Variants in NBEA observed in about 807,000 individuals in gnomAD.
The protein encoded by NBEA is neurobeachin, also known as lysosomal-trafficking regulator 2.
Under a neutral mutation model 343.4 loss-of-function variants are expected in NBEA, and 44 were observed. The observed-to-expected ratio is 0.13, with a 90% CI of 0.10 to 0.16. The LOEUF (loss-of-function observed/expected upper bound fraction) is 0.16. Ranked by LOEUF, NBEA falls within the 10% of genes least tolerant of loss-of-function variation. The pLI, the probability that NBEA is intolerant of heterozygous loss-of-function variation, is 1.00. For missense variants in NBEA, 2,555 were observed against 3,631.3 expected (o/e 0.70, Z 7.62); for synonymous variants, 1,175 against 1,238.7 (o/e 0.95, Z 1.08).
chr13:35,010,007 A>C (rs2061431034), intron 1 of NBEA, among the ~76,000 whole-genome samples: 1 of 152,178 alleles, frequency 6.6e-6, no homozygotes, highest in Non-Finnish European at 1.5e-5. Flanking sequence ...TCTAATTTGC[A>C]GGTGGGATAG....
At chr13:35,225,421 T>G (rs2152764665) in intron 33 of NBEA, among the ~76,000 whole-genome samples, 1 of 152,250 alleles carries the variant, frequency 6.6e-6, no homozygotes, top group Admixed American at 6.5e-5. Flanking sequence ...TGCATAAGGC[T>G]TCCATTCTGT....
At chr13:35,294,597 TTAAACATTTTAA>T (rs1406960697) in intron 35 of NBEA, among the ~76,000 whole-genome samples, 1 of 152,162 alleles carries the variant, frequency 6.6e-6, no homozygotes, top group African/African-American at 2.4e-5. Flanking sequence ...ACTACATTTT[TTAAACATTTTAA>T]TGGTTACTAA....
At chr13:35,648,056 T>G (rs879585820) in intron 51 of NBEA, among the ~76,000 whole-genome samples, 1 of 151,868 alleles carries the variant, frequency 6.6e-6, no homozygotes, top group African/African-American at 2.4e-5. Context: ...TTTAAAATTT[T>G]TTGTAGAGAT....
intron 6 of NBEA, among the ~76,000 whole-genome samples, chr13:35,055,807 GT>G (rs1407340728): frequency 2.0e-5 from 3 of 152,074 alleles, no homozygotes; most frequent in Admixed American, 1.3e-4. Context: ...TGTAGTTCTT[GT>G]CTTCTCCAGG....
chr13:35,447,522 C>T (rs933534132), intron 39 of NBEA, among the ~76,000 whole-genome samples: 5 of 151,908 alleles, frequency 3.3e-5, no homozygotes, highest in African/African-American at 1.2e-4. Flanking sequence ...AGAAGTCAGT[C>T]TATGGAGTGC....
chr13:35,045,036 A>T lies in NBEA; in HGVS notation c.616A>T (p.Ser206Cys), dbSNP rs776942249. The stretch of plus-strand genomic sequence containing the variant: ...TTTGTTCAGCATGCTTCGAGGAGAA[A>T]GTGGAATCTGGGTAAGCTGTGGTCG... ...KLLFSMLRGESGIWPRHAVKL... is the reference protein window; with the variant it reads ...KLLFSMLRGECGIWPRHAVKL... The change falls in exon 3 of 59, where the codon AGT (serine) becomes TGT (cysteine). Residue 206 changes from serine to cysteine, a missense_variant. Ser to Cys is a moderately radical substitution (Grantham distance 112, BLOSUM62 -1). Coordinates refer to ENST00000379939, the MANE Select transcript of NBEA (RefSeq NM_001385012.1). 1 of 1,609,194 alleles carries T rather than the reference A, an allele frequency of 6.2e-7. No individual in the cohort carries two copies. The highest frequency in any genetic ancestry group is 8.5e-7 in the Non-Finnish European group (1 of 1,177,544).
At chr13:34,989,872 T>G (rs558296096) in intron 1 of NBEA, among the ~76,000 whole-genome samples, 1 of 151,152 alleles carries the variant, frequency 6.6e-6, no homozygotes, top group Admixed American at 6.6e-5. Context: ...CTACAGGCAT[T>G]GGGCAAATGT....
intron 17 of NBEA, among the ~76,000 whole-genome samples, chr13:35,129,621 A>AG (rs2067306210): frequency 2.6e-5 from 4 of 152,148 alleles, no homozygotes; most frequent in South Asian, 2.1e-4. Flanking sequence ...ACATTAAGAG[A>AG]GGGGGAAAAA....
chr13:35,616,395 G>A (rs2082741934), intron 48 of NBEA, among the ~76,000 whole-genome samples: 1 of 152,168 alleles, frequency 6.6e-6, no homozygotes, highest in African/African-American at 2.4e-5. Flanking sequence ...CAAACTGTCT[G>A]TATCTGTGCT....
chr13:35,089,801 A>G (rs983788586), intron 10 of NBEA, among the ~76,000 whole-genome samples: 8 of 149,934 alleles, frequency 5.3e-5, no homozygotes, highest in African/African-American at 1.5e-4. Context: ...TCAGTAAACT[A>G]TCACAAGAAC....
intron 11 of NBEA, among the ~76,000 whole-genome samples, chr13:35,106,025 C>T (rs763745328): frequency 3.3e-5 from 5 of 151,946 alleles, no homozygotes; most frequent in Non-Finnish European, 7.4e-5. Context: ...TTAGTTAATT[C>T]TGGAGTGGAT....
At chr13:35,017,785 G>A (rs1032645285) in intron 1 of NBEA, among the ~76,000 whole-genome samples, 17 of 151,884 alleles carry the variant, frequency 1.1e-4, no homozygotes, top group African/African-American at 4.1e-4. Flanking sequence ...TATTAATTCT[G>A]TACAAGTCTA....
intron 41 of NBEA, among the ~76,000 whole-genome samples, chr13:35,506,119 GT>G (rs1341648942): frequency 1.3e-5 from 2 of 151,984 alleles, no homozygotes; most frequent in African/African-American, 4.8e-5. Context: ...CTGGAGTGTG[GT>G]GGCACGATCT....
chr13:35,099,744 T>C (rs2065541845), intron 11 of NBEA, among the ~76,000 whole-genome samples: 1 of 152,128 alleles, frequency 6.6e-6, no homozygotes, highest in African/African-American at 2.4e-5. Flanking sequence ...CTTTTTCCCA[T>C]TTTGTGTCAT....
chr13:35,022,477 A>G (rs1466304021), intron 1 of NBEA, among the ~76,000 whole-genome samples: 5 of 151,978 alleles, frequency 3.3e-5, no homozygotes, highest in African/African-American at 1.2e-4. Context: ...GTAATTTTCT[A>G]TTTTACTTGC....
chr13:35,177,079 T>C lies in NBEA; in HGVS notation c.4638T>C (p.Leu1546=). The C allele has an allele frequency of 6.2e-7, 1 of 1,602,204 alleles. No homozygotes were observed. Among genetic ancestry groups the C allele is most frequent in the Non-Finnish European group, 8.5e-7 (1 of 1,173,308 alleles). ...TTCAGGATGTTGATATCAATCGCCT[T>C]CGTGCTGTTGTCTTTCGGGATGTGG... is the stretch of plus-strand genomic sequence containing the variant. ...RLLQDVDINR[L]RAVVFRDVDD... The change falls in exon 28 of 59, where the codon CTT becomes CTC. Residue 1546 remains leucine (L), a synonymous_variant. Coordinates refer to ENST00000379939, the MANE Select transcript of NBEA (RefSeq NM_001385012.1).
At chr13:35,375,710 C>T (rs562455923) in intron 38 of NBEA, among the ~76,000 whole-genome samples, 7 of 152,216 alleles carry the variant, frequency 4.6e-5, no homozygotes, top group South Asian at 2.1e-4. Context: ...GAAATCATAG[C>T]ATTTGTGATG....
At chr13:35,418,797 G>T (rs181679518) in intron 38 of NBEA, among the ~76,000 whole-genome samples, 1 of 151,914 alleles carries the variant, frequency 6.6e-6, no homozygotes, top group Non-Finnish European at 1.5e-5. Flanking sequence ...GAGAATATAA[G>T]GAGAGTATTA....
chr13:34,994,150 G>T (rs935704597), intron 1 of NBEA, among the ~76,000 whole-genome samples: 2 of 131,100 alleles, frequency 1.5e-5, no homozygotes, highest in Non-Finnish European at 3.1e-5. Flanking sequence ...GTGAGCCGAG[G>T]TCATGCCACT....
Sources: gnomAD v4.1 joint callset for allele counts (sites outside exome capture counted in the v4.1 genomes callset) on GRCh38, gnomAD v4.1.1 for gene constraint, MANE v1.5 for transcripts, NCBI Gene and HGNC (gene_info 2026-07-23, HGNC 2026-07-21) for gene names.